BCKDHB: variants seen among roughly 807,000 people sequenced by gnomAD.
BCKDHB encodes 2-oxoisovalerate dehydrogenase subunit beta, mitochondrial.
BCKDHB carries 41 observed loss-of-function variants against 48.5 expected under a neutral mutation model. The ratio of observed to expected loss-of-function variants is 0.85; its 90% CI spans 0.66 to 1.10. The LOEUF (loss-of-function observed/expected upper bound fraction) is 1.10, where lower values mean the gene tolerates loss of function less well. Among genes scored for constraint, BCKDHB ranks in the 50% least tolerant of loss-of-function variants. The pLI is 0.00. For missense variants in BCKDHB, 496 were observed against 494.2 expected (o/e 1.00, Z -0.03); for synonymous variants, 201 against 174.8 (o/e 1.15, Z -1.18).
chr6:80,225,187 A>G (rs894403162), intron 8 of BCKDHB, among the ~76,000 whole-genome samples: 2 of 152,150 alleles, frequency 1.3e-5, no homozygotes, highest in African/African-American at 4.8e-5. Context: ...CATTTTTTGG[A>G]CATAGTCTTT....
intron 8 of BCKDHB, among the ~76,000 whole-genome samples, chr6:80,247,535 A>G (rs1045562544): frequency 7.9e-5 from 12 of 152,222 alleles, no homozygotes; most frequent in East Asian, 1.9e-4. Context: ...CTTTTGATCA[A>G]AGTTTAAATT....
chr6:80,124,097 TG>T (rs1334239417), intron 1 of BCKDHB, among the ~76,000 whole-genome samples: 1 of 152,218 alleles, frequency 6.6e-6, no homozygotes, highest in African/African-American at 2.4e-5. Context: ...GTTGTGTCTT[TG>T]CTCTCATTGA....
the BCKDHB span, among the ~76,000 whole-genome samples, chr6:80,438,003 T>C: frequency 6.6e-6 from 1 of 152,238 alleles, no homozygotes; most frequent in Non-Finnish European, 1.5e-5. Flanking sequence ...TATTTATTCA[T>C]GTGGATGTCG....
At chr6:80,167,950 G>A (rs1253061359) in intron 4 of BCKDHB, 139 bp downstream of exon 4, 11 of 987,402 alleles carry the variant, frequency 1.1e-5, no homozygotes, top group South Asian at 4.4e-5. Flanking sequence ...ATTTTGTTAT[G>A]AGCATATATT....
chr6:80,350,797 C>G (rs1770371615), downstream of BCKDHB, among the ~76,000 whole-genome samples: 1 of 152,112 alleles, frequency 6.6e-6, no homozygotes, highest in Non-Finnish European at 1.5e-5. Flanking sequence ...GAACATTTAT[C>G]TACTTATTTA....
At chr6:80,227,858 CCTTG>C (rs1163127711) in intron 8 of BCKDHB, among the ~76,000 whole-genome samples, 1 of 152,050 alleles carries the variant, frequency 6.6e-6, no homozygotes, top group Non-Finnish European at 1.5e-5. Flanking sequence ...ATTTTAGTTC[CCTTG>C]CTTTTTATTC....
chr6:80,118,412 T>G (rs989126665), intron 1 of BCKDHB, among the ~76,000 whole-genome samples: 1 of 152,186 alleles, frequency 6.6e-6, no homozygotes, highest in African/African-American at 2.4e-5. Context: ...CATCTGAAAC[T>G]TTGGCAAGTC....
At chr6:80,247,790 A>G (rs533533034) in intron 8 of BCKDHB, among the ~76,000 whole-genome samples, 1 of 152,300 alleles carries the variant, frequency 6.6e-6, no homozygotes, top group Non-Finnish European at 1.5e-5. Flanking sequence ...GGTAATTACC[A>G]TTGTGAATTG....
chr6:80,431,086 T>C, the BCKDHB span, among the ~76,000 whole-genome samples: 1 of 152,208 alleles, frequency 6.6e-6, no homozygotes, highest in Non-Finnish European at 1.5e-5. Context: ...TACCCAGTAG[T>C]CATTCAGGAG....
the BCKDHB span, among the ~76,000 whole-genome samples, chr6:80,420,753 G>T: frequency 1.3e-5 from 2 of 152,184 alleles, no homozygotes; most frequent in African/African-American, 4.8e-5. Context: ...CTATTCAGCT[G>T]TGCTGCCGAT....
intron 8 of BCKDHB, among the ~76,000 whole-genome samples, chr6:80,203,873 CAAGATAATTT>C (rs1774513209): frequency 6.6e-6 from 1 of 151,860 alleles, no homozygotes; most frequent in Non-Finnish European, 1.5e-5. Flanking sequence ...ACACCAATGC[CAAGATAATTT>C]AAGAAGCATC....
At chr6:80,203,305 T>A in intron 8 of BCKDHB, 93 bp downstream of exon 8, 1 of 929,048 alleles carries the variant, frequency 1.1e-6, no homozygotes, top group Admixed American at 1.8e-5. Flanking sequence ...AATTGTGAGC[T>A]ATGTGAGCAT....
the BCKDHB span, among the ~76,000 whole-genome samples, chr6:80,383,814 T>C: frequency 6.6e-6 from 1 of 152,166 alleles, no homozygotes; most frequent in Non-Finnish European, 1.5e-5. Flanking sequence ...TTCCCAGTTT[T>C]TCTAAATACA....
chr6:80,371,280 TATA>T, the BCKDHB span, among the ~76,000 whole-genome samples: 1 of 152,164 alleles, frequency 6.6e-6, no homozygotes, highest in African/African-American at 2.4e-5. Context: ...TGGTCATGTG[TATA>T]TCTTTTTTTG....
chr6:80,144,777 T>C (rs78349590), intron 3 of BCKDHB, among the ~76,000 whole-genome samples: 1,932 of 152,228 alleles, frequency 0.013, 21 homozygotes, highest in Non-Finnish European at 0.02. Flanking sequence ...TAAAGTAAAA[T>C]TTCAGTAAAA....
At chr6:80,218,257 C>G (rs1409787040) in intron 8 of BCKDHB, among the ~76,000 whole-genome samples, 1 of 151,988 alleles carries the variant, frequency 6.6e-6, no homozygotes, top group Non-Finnish European at 1.5e-5. Flanking sequence ...TGGGTCACAT[C>G]TTTATCTTGG....
intron 1 of BCKDHB, among the ~76,000 whole-genome samples, chr6:80,108,457 A>G (rs982378954): frequency 4.0e-5 from 6 of 151,556 alleles, no homozygotes; most frequent in Non-Finnish European, 8.8e-5. Context: ...AAGTAAAATG[A>G]TATCATGTTA....
At chr6:80,233,013 CTG>C (rs1221724979) in intron 8 of BCKDHB, among the ~76,000 whole-genome samples, 2 of 152,018 alleles carry the variant, frequency 1.3e-5, no homozygotes, top group African/African-American at 2.4e-5. Context: ...TGCTTTTCTG[CTG>C]TCTTTTGTTT....
At chr6:80,408,435 G>A in the BCKDHB span, among the ~76,000 whole-genome samples, 2 of 152,150 alleles carry the variant, frequency 1.3e-5, no homozygotes, top group Middle Eastern at 6.8e-3. Context: ...AATGTTACCA[G>A]CTCCTTTTTT....
Sources: gnomAD v4.1 joint callset for allele counts (sites outside exome capture counted in the v4.1 genomes callset) on GRCh38, gnomAD v4.1.1 for gene constraint, MANE v1.5 for transcripts, NCBI Gene and HGNC (gene_info 2026-07-23, HGNC 2026-07-21) for gene names.